Variants in PCDHGB1 observed in about 807,000 individuals in gnomAD.
PCDHGB1 encodes protocadherin gamma subfamily B, 1.
PCDHGB1 carries 34 observed loss-of-function variants against 56.6 expected under a neutral mutation model. That is an observed-to-expected ratio of 0.60 (90% CI 0.46 to 0.80). The LOEUF is 0.80. Ranked by LOEUF, PCDHGB1 falls within the 30% of genes least tolerant of loss-of-function variation. PCDHGB1 has a pLI of 0.00. For missense variants in PCDHGB1, 1,278 were observed against 1,204.6 expected (o/e 1.06, Z -0.90); for synonymous variants, 561 against 505.9 (o/e 1.11, Z -1.46).
rs201409669 is a variant in PCDHGB1 at position 141,490,703 on chromosome 5, G to A, written c.2410-4104G>A. The stretch of plus-strand genomic sequence containing the variant: ...GATCCAGACACTGGGGATAATGCCC[G>A]CCTCACCTACTCCATTGTAGGAAAT... On this transcript the variant is annotated intron_variant, in intron 1 of 3. Coordinates refer to ENST00000523390, the MANE Select transcript of PCDHGB1 (RefSeq NM_018922.3). This position sits in a 1 kb window ranked among gnomAD's most constrained non-coding sequence, Gnocchi z 5.4. 2.6e-4 allele frequency: 421 copies of A among 1,614,106 alleles called. No homozygotes were observed. Among genetic ancestry groups the A allele is most frequent in the Middle Eastern group, 6.6e-4 (4 of 6,062 alleles).
At chr5:141,421,955 T>A in intron 1 of PCDHGB1, 1 of 1,612,914 alleles carries the variant, frequency 6.2e-7, no homozygotes, top group South Asian at 1.1e-5. Context: ...ATCCCAATGT[T>A]TACACAGTCC....
chr5:141,356,163 C>T (rs746934600), intron 1 of PCDHGB1: 45 of 1,613,048 alleles, frequency 2.8e-5, no homozygotes, highest in Non-Finnish European at 3.8e-5. Flanking sequence ...ATGTAGAAGC[C>T]CATGATGGGC....
At chr5:141,421,225 G>A in intron 1 of PCDHGB1, 1 of 1,584,302 alleles carries the variant, frequency 6.3e-7, no homozygotes. Flanking sequence ...CTTAGAGCCT[G>A]CCATGGCGAA....
chr5:141,427,768 A>C (rs1003238906), intron 1 of PCDHGB1: 4 of 1,393,994 alleles, frequency 2.9e-6, no homozygotes, highest in Non-Finnish European at 4.0e-6. Context: ...ACTGACTTGG[A>C]GCTGCGGGCA....
chr5:141,499,635 A>C (rs578081078), intron 2 of PCDHGB1, among the ~76,000 whole-genome samples: 16 of 152,136 alleles, frequency 1.1e-4, no homozygotes, highest in African/African-American at 3.6e-4. Context: ...CTTTTGAAGC[A>C]AATCTCAGAC....
intron 1 of PCDHGB1, chr5:141,372,380 A>C (rs1201023988): frequency 8.7e-6 from 14 of 1,613,964 alleles, no homozygotes; most frequent in Non-Finnish European, 1.2e-5. Flanking sequence ...TGCTGCACCT[A>C]ATCTTCGCAG....
rs1317150359 is a variant in PCDHGB1 at position 141,420,381 on chromosome 5, G to A, written c.2409+67712G>A. On this transcript the variant is annotated intron_variant, in intron 1 of 3. Transcript: ENST00000523390. ...TCTAGATAACTTCTTCATAGAGTTC[G>A]CAAAATATAGGTCAAATTTATGGTT... The A allele has an allele frequency of 1.1e-5, 14 of 1,298,362 alleles. No homozygotes were observed. In the Admixed American group the frequency reaches 1.3e-4, roughly 13 times the overall value. The allele number at this position is 1,298,362 out of a possible 1,614,324, so 80.4% of individuals were successfully genotyped here.
At chr5:141,459,075 G>T (rs562572838) in intron 1 of PCDHGB1, among the ~76,000 whole-genome samples, 1 of 152,134 alleles carries the variant, frequency 6.6e-6, no homozygotes, top group Non-Finnish European at 1.5e-5. Context: ...CATAAAATTT[G>T]CCTTTTAAAA....
At chr5:141,466,983 C>A (rs2099133398) in intron 1 of PCDHGB1, among the ~76,000 whole-genome samples, 1 of 151,884 alleles carries the variant, frequency 6.6e-6, no homozygotes, top group African/African-American at 2.4e-5. Context: ...TCATCATTTA[C>A]CTTTTGGCAT....
intron 1 of PCDHGB1, chr5:141,408,920 C>T (rs772932702): frequency 1.9e-6 from 3 of 1,613,506 alleles, no homozygotes; most frequent in Admixed American, 1.7e-5. Context: ...TGATAACCCC[C>T]CGGTTTTCAG....
At position 141,427,779 on chromosome 5, in the gene PCDHGB1, C is replaced by T. The variant is rs1196661076; in HGVS notation, c.2410-67028C>T. On this transcript the variant is annotated intron_variant, in intron 1 of 3. Transcript: ENST00000523390. Reference sequence around the variant, plus strand: ...TACCACTGACTTGGAGCTGCGGGCACTGTCGTCCTACGTGTCCGTGAGCGC... The same window carrying T: ...TACCACTGACTTGGAGCTGCGGGCATTGTCGTCCTACGTGTCCGTGAGCGC... 2.1e-6 allele frequency: 3 copies of T among 1,454,498 alleles called. No individual in the cohort carries two copies. The East Asian group carries it at 6.8e-5, about 33-fold the overall frequency. The allele number at this position is 1,454,498 out of a possible 1,614,324, so 90.1% of individuals were successfully genotyped here. A position where few individuals can be genotyped will look rare whatever the true frequency, so the allele number is the denominator to read the frequency against.
intron 1 of PCDHGB1, chr5:141,379,340 T>C (rs576770875): frequency 1.3e-5 from 2 of 152,350 alleles, no homozygotes; most frequent in South Asian, 4.1e-4. Flanking sequence ...TCTTCAAAGC[T>C]CATTTTCTTG....
chr5:141,376,604 C>T (rs1772886423), intron 1 of PCDHGB1: 4 of 1,509,582 alleles, frequency 2.6e-6, no homozygotes, highest in Non-Finnish European at 3.6e-6. Context: ...GTTATAGAAG[C>T]GAACCTCTTT....
intron 1 of PCDHGB1, chr5:141,389,279 T>C: frequency 6.2e-7 from 1 of 1,614,016 alleles, no homozygotes; most frequent in Non-Finnish European, 8.5e-7. Context: ...ACAACCCGCC[T>C]GGAGCCTCTA....
chr5:141,510,223 G>C (rs944276162), intron 3 of PCDHGB1, among the ~76,000 whole-genome samples: 1 of 151,302 alleles, frequency 6.6e-6, no homozygotes, highest in African/African-American at 2.4e-5. Context: ...CAGTGAGCCG[G>C]GATCGCGCCA....
chr5:141,500,645 A>C (rs2099801792), intron 2 of PCDHGB1, among the ~76,000 whole-genome samples: 1 of 152,228 alleles, frequency 6.6e-6, no homozygotes, highest in African/African-American at 2.4e-5. Flanking sequence ...GTTTTTTAAA[A>C]ATAGCAACTG....
In PCDHGB1 at chr5:141,486,369, C is replaced by T; in HGVS notation, c.2410-8438C>T. 8 of 1,614,128 alleles carry T rather than the reference C, an allele frequency of 5.0e-6. No homozygotes were observed. The highest frequency in any genetic ancestry group is 6.8e-6 in the Non-Finnish European group (8 of 1,179,996). On this transcript the variant is annotated intron_variant, in intron 1 of 3. Coordinates refer to ENST00000523390, the MANE Select transcript of PCDHGB1 (RefSeq NM_018922.3). The surrounding 1 kb of genome is among the most constrained non-coding windows in gnomAD (Gnocchi z 5.0). ...GACCACTTGCCATTTGCCCTCAAGT[C>T]TGCCTTCAGGAACCAGTTCTCCCTG...
intron 1 of PCDHGB1, chr5:141,423,852 GT>G (rs971165220): frequency 2.5e-5 from 32 of 1,279,282 alleles, no homozygotes; most frequent in Non-Finnish European, 3.0e-5. Context: ...CTTTCAGAAC[GT>G]TTTTGTGAAA....
At chr5:141,387,340 G>A (rs565408747) in intron 1 of PCDHGB1, among the ~76,000 whole-genome samples, 2 of 152,306 alleles carry the variant, frequency 1.3e-5, no homozygotes, top group Non-Finnish European at 2.9e-5. Flanking sequence ...ACTGTACTCT[G>A]AGACGGTTTA....
Sources: allele counts gnomAD v4.1 joint callset (sites outside exome capture counted in the v4.1 genomes callset), GRCh38; gene constraint gnomAD v4.1.1; non-coding constraint Gnocchi (gnomAD v3.1); transcripts MANE v1.5; gene names NCBI Gene and HGNC (gene_info 2026-07-23, HGNC 2026-07-21).